GULP1: variants seen among roughly 807,000 people sequenced by gnomAD.
GULP1 encodes GULP PTB domain containing engulfment adaptor 1.
Under a neutral mutation model 40.9 loss-of-function variants are expected in GULP1, and 19 were observed. That is an observed-to-expected ratio of 0.46 (90% CI 0.32 to 0.68). The LOEUF is 0.68. Ranked by LOEUF, GULP1 falls within the 30% of genes least tolerant of loss-of-function variation. The pLI is 0.03. For missense variants in GULP1, 312 were observed against 362.2 expected, an observed-to-expected ratio of 0.86 and a Z score of 1.12; for synonymous variants, 119 against 117.6, an observed-to-expected ratio of 1.01 and a Z score of -0.08.
At chr2:188,442,778 A>G (rs929526917) in intron 2 of GULP1, among the ~76,000 whole-genome samples, 8 of 152,170 alleles carry the variant, frequency 5.3e-5, no homozygotes, top group Non-Finnish European at 8.8e-5. Context: ...CAGCTGAATC[A>G]AGTAGTTTTT....
chr2:188,403,638 G>A (rs972405413), intron 2 of GULP1, among the ~76,000 whole-genome samples: 2 of 152,108 alleles, frequency 1.3e-5, no homozygotes, highest in South Asian at 4.1e-4. Context: ...ATCCAGAAAG[G>A]AGACTGTATT....
intron 2 of GULP1, among the ~76,000 whole-genome samples, chr2:188,462,123 T>C (rs1456460637): frequency 1.3e-5 from 2 of 152,192 alleles, no homozygotes; most frequent in Non-Finnish European, 2.9e-5. Flanking sequence ...CAGTATGTTA[T>C]GTTTTCATTA....
chr2:188,301,786 C>T (rs955312427), intron 1 of GULP1, among the ~76,000 whole-genome samples: 1 of 152,136 alleles, frequency 6.6e-6, no homozygotes, highest in Non-Finnish European at 1.5e-5. Flanking sequence ...TGATATTTGT[C>T]CTATCTGGAA....
At chr2:188,344,668 A>G (rs1014709338) in intron 1 of GULP1, among the ~76,000 whole-genome samples, 1 of 152,152 alleles carries the variant, frequency 6.6e-6, no homozygotes, top group African/African-American at 2.4e-5. Flanking sequence ...CATTTCTGTG[A>G]CCACTGGGTC....
intron 2 of GULP1, among the ~76,000 whole-genome samples, chr2:188,398,776 T>C (rs1276424200): frequency 1.3e-5 from 2 of 152,190 alleles, no homozygotes; most frequent in Non-Finnish European, 2.9e-5. Flanking sequence ...AATTTGCTTT[T>C]ACAGCATGAT....
chr2:188,419,669 A>C (rs760843764), intron 2 of GULP1, among the ~76,000 whole-genome samples: 4 of 151,288 alleles, frequency 2.6e-5, no homozygotes, highest in Admixed American at 6.6e-5. Flanking sequence ...TTTTTCACGC[A>C]TTGTTGATTG....
At chr2:188,450,815 T>C (rs2058779165) in intron 2 of GULP1, among the ~76,000 whole-genome samples, 1 of 152,016 alleles carries the variant, frequency 6.6e-6, no homozygotes, top group Non-Finnish European at 1.5e-5. Context: ...GAAGCAAGAG[T>C]AGGATTACTC....
intron 5 of GULP1, among the ~76,000 whole-genome samples, chr2:188,528,795 T>A (rs920996514): frequency 6.6e-6 from 1 of 152,146 alleles, no homozygotes; most frequent in Non-Finnish European, 1.5e-5. Context: ...TCTACATATC[T>A]TCCCACAAAG....
rs1475580911 is a variant in GULP1, at chr2:188,292,592, G to A, written c.-172+426G>A. Among the ~76,000 whole-genome samples, 1 of 152,066 alleles carries A rather than the reference G, an allele frequency of 6.6e-6. No individual in the cohort carries two copies. The highest frequency in any genetic ancestry group is 1.5e-5 in the Non-Finnish European group (1 of 68,028). On this transcript the variant is annotated intron_variant, in intron 1 of 11. Transcript: ENST00000409830. The surrounding 1 kb of genome is among the most constrained non-coding windows in gnomAD (Gnocchi z 4.0). Reference sequence around the variant, plus strand: ...GGATCCGTCCGGCTGAGGGTGCGTGGATCAGACTGGGCTGAGCAGGCAAGT... The same window carrying A: ...GGATCCGTCCGGCTGAGGGTGCGTGAATCAGACTGGGCTGAGCAGGCAAGT...
intron 2 of GULP1, among the ~76,000 whole-genome samples, chr2:188,459,531 T>C (rs566810440): frequency 6.6e-6 from 1 of 152,322 alleles, no homozygotes; most frequent in Admixed American, 6.5e-5. Context: ...GATTTTTTCC[T>C]GCAGAGTTGT....
At chr2:188,558,786 T>C (rs1160394263) in intron 7 of GULP1, among the ~76,000 whole-genome samples, 1 of 152,194 alleles carries the variant, frequency 6.6e-6, no homozygotes, top group Non-Finnish European at 1.5e-5. Flanking sequence ...TAACTCTTGT[T>C]ATGTTTTAAC....
intron 2 of GULP1, among the ~76,000 whole-genome samples, chr2:188,470,513 T>C (rs2060499680): frequency 6.6e-6 from 1 of 152,138 alleles, no homozygotes; most frequent in Admixed American, 6.5e-5. Context: ...GGTTGTTTAT[T>C]TGAAGCTTTT....
At chr2:188,449,650 C>T (rs539128723) in intron 2 of GULP1, among the ~76,000 whole-genome samples, 44 of 152,208 alleles carry the variant, frequency 2.9e-4, no homozygotes, top group Non-Finnish European at 5.0e-4. Flanking sequence ...TTCTACTGTA[C>T]GCTTTTCAAA....
intron 1 of GULP1, among the ~76,000 whole-genome samples, chr2:188,362,946 A>G (rs1237051128): frequency 2.0e-5 from 3 of 152,134 alleles, no homozygotes; most frequent in African/African-American, 7.2e-5. Context: ...AAAGACGCTT[A>G]ATAGGAGGTG....
chr2:188,346,196 T>A (rs1427767985), intron 1 of GULP1, among the ~76,000 whole-genome samples: 4 of 152,210 alleles, frequency 2.6e-5, no homozygotes, highest in Admixed American at 2.6e-4. Context: ...TCTATTAAGA[T>A]GATATGGCTT....
chr2:188,485,790 G>A (rs2061815683), intron 4 of GULP1, among the ~76,000 whole-genome samples: 1 of 152,016 alleles, frequency 6.6e-6, no homozygotes, highest in Non-Finnish European at 1.5e-5. Flanking sequence ...AAGGAAGTTA[G>A]TGCTACAACA....
intron 2 of GULP1, among the ~76,000 whole-genome samples, chr2:188,476,749 G>A (rs1204960839): frequency 1.3e-5 from 2 of 152,080 alleles, no homozygotes; most frequent in African/African-American, 4.8e-5. Context: ...ATTTCTGAGT[G>A]TTGTATCAGT....
At chr2:188,394,228 A>T (rs2050916190) in intron 2 of GULP1, among the ~76,000 whole-genome samples, 1 of 151,480 alleles carries the variant, frequency 6.6e-6, no homozygotes, top group South Asian at 2.1e-4. Context: ...TCTTCTGTTT[A>T]TTTTTTCTTT....
chr2:188,370,361 GTTGACCTT>G (rs1208922438), intron 1 of GULP1, among the ~76,000 whole-genome samples: 1 of 152,088 alleles, frequency 6.6e-6, no homozygotes, highest in Non-Finnish European at 1.5e-5. Context: ...CTTGCTCTTG[GTTGACCTT>G]ATATTTTTGT....
Sources: gnomAD v4.1 joint callset for allele counts (sites outside exome capture counted in the v4.1 genomes callset) on GRCh38, gnomAD v4.1.1 for gene constraint, Gnocchi (gnomAD v3.1) non-coding constraint, MANE v1.5 for transcripts, NCBI Gene and HGNC (gene_info 2026-07-23, HGNC 2026-07-21) for gene names.